Variants in KCNK9 observed in about 807,000 individuals in gnomAD.
KCNK9 encodes the protein potassium two pore domain channel subfamily K member 9, also known as potassium channel subfamily K member 9.
A neutral mutation model predicts 10.8 loss-of-function variants in KCNK9; 1 was observed. The ratio of observed to expected loss-of-function variants is 0.09; its 90% CI spans 0.03 to 0.44. The LOEUF (loss-of-function observed/expected upper bound fraction) is 0.44. KCNK9 is among the 20% of genes least tolerant of loss of function. The probability of loss-of-function intolerance (pLI) is 0.97; values close to 1 mark genes in which losing one functional copy is unlikely to be tolerated. For missense variants in KCNK9, 303 were observed against 515.0 expected (o/e 0.59, Z 3.98); for synonymous variants, 231 against 222.7 (o/e 1.04, Z -0.33).
At position 139,618,588 on chromosome 8, in the gene KCNK9, G is replaced by A. The variant is rs776896921; in HGVS notation, c.795C>T (p.Ala265=). 36 of 1,613,708 alleles carry A rather than the reference G, an allele frequency of 2.2e-5. No individual in the cohort carries two copies. The highest frequency in any genetic ancestry group is 2.2e-4 in the South Asian group (20 of 91,070). The change falls in exon 2 of 2, where the codon GCC becomes GCT. Residue 265 remains alanine, a synonymous_variant. Transcript: ENST00000520439. This position sits in a 1 kb window ranked among gnomAD's most constrained non-coding sequence, Gnocchi z 7.9. ...GAATGACCATGCTGTTGCGGTTTCC[G>A]GCGAGGGATGCCCTCTCTTCAGCAT... The part of the protein sequence containing the change: ...RRDAEERASL[A]GNRNSMVIHI...
At chr8:139,691,591 A>G (rs1816934358) in intron 1 of KCNK9, among the ~76,000 whole-genome samples, 1 of 152,206 alleles carries the variant, frequency 6.6e-6, no homozygotes, top group Admixed American at 6.5e-5. Context: ...ACAAACCATT[A>G]TCTATAGTTA....
intron 1 of KCNK9, among the ~76,000 whole-genome samples, chr8:139,656,640 C>T (rs1452863281): frequency 2.0e-5 from 3 of 152,226 alleles, no homozygotes; most frequent in Admixed American, 6.5e-5. Flanking sequence ...CTTCTTTATG[C>T]CAAATTTTGG....
At chr8:139,699,941 T>C (rs1332416754) in intron 1 of KCNK9, among the ~76,000 whole-genome samples, 1 of 152,182 alleles carries the variant, frequency 6.6e-6, no homozygotes, top group African/African-American at 2.4e-5. Context: ...CAAGGTTAGA[T>C]TAAAAATCAA....
At chr8:139,619,417 G>A (rs919985329) in intron 1 of KCNK9, among the ~76,000 whole-genome samples, 4 of 152,070 alleles carry the variant, frequency 2.6e-5, no homozygotes, top group Non-Finnish European at 5.9e-5. Context: ...GCCACTGAGA[G>A]GGGATGGAGG....
chr8:139,621,782 G>A (rs1157227415), intron 1 of KCNK9, among the ~76,000 whole-genome samples: 1 of 152,108 alleles, frequency 6.6e-6, no homozygotes, highest in African/African-American at 2.4e-5. Flanking sequence ...TGCAGGGGTG[G>A]GAATCCTACT....
chr8:139,649,072 G>A (rs1376439630), intron 1 of KCNK9, among the ~76,000 whole-genome samples: 1 of 152,154 alleles, frequency 6.6e-6, no homozygotes, highest in Admixed American at 6.5e-5. Flanking sequence ...CCTCCGAGGA[G>A]CTTTCTCCCC....
rs1419940010 is a variant in KCNK9, at chr8:139,650,988, A to C, written c.284-31889T>G. ...CTCCTATAAATGCTGAAAGCCCCAG[A>C]ATATCGAGGTGGATGCAGAAGAGTA... is the stretch of plus-strand genomic sequence containing the variant. On this transcript the variant is annotated intron_variant, in intron 1 of 1. Transcript: ENST00000520439. 2.0e-5 allele frequency among the ~76,000 whole-genome samples: 3 copies of C among 152,140 alleles called. No homozygotes were observed. In the East Asian group the frequency reaches 5.8e-4, roughly 29 times the overall value.
chr8:139,660,441 T>TA (rs796406573), intron 1 of KCNK9, among the ~76,000 whole-genome samples: 40 of 132,992 alleles, frequency 3.0e-4, no homozygotes, highest in South Asian at 7.2e-4. Context: ...CCGTCTCTGC[T>TA]AAAAAAAAAT....
At chr8:139,687,489 TACAC>T (rs1816828263) in intron 1 of KCNK9, among the ~76,000 whole-genome samples, 3 of 38,720 alleles carry the variant, frequency 7.7e-5, no homozygotes, top group Non-Finnish European at 2.0e-4. Flanking sequence ...TATACATATA[TACAC>T]ATATATACAT....
intron 1 of KCNK9, among the ~76,000 whole-genome samples, chr8:139,663,156 T>C (rs1816207179): frequency 6.6e-6 from 1 of 151,950 alleles, no homozygotes; most frequent in African/African-American, 2.4e-5. Flanking sequence ...TCTGCTGAAA[T>C]GGGCTGAAGC....
At chr8:139,687,055 T>C (rs1816804940) in intron 1 of KCNK9, among the ~76,000 whole-genome samples, 1 of 152,078 alleles carries the variant, frequency 6.6e-6, no homozygotes, top group Non-Finnish European at 1.5e-5. Flanking sequence ...TCAATAAAAT[T>C]GATAACCTCC....
intron 1 of KCNK9, among the ~76,000 whole-genome samples, chr8:139,665,535 C>T (rs1213895256): frequency 6.6e-6 from 1 of 152,238 alleles, no homozygotes; most frequent in Non-Finnish European, 1.5e-5. Context: ...GATTTGCAGA[C>T]ATCTTTGTGG....
chr8:139,675,272 A>G (rs978032074), intron 1 of KCNK9, among the ~76,000 whole-genome samples: 5 of 152,138 alleles, frequency 3.3e-5, no homozygotes, highest in Admixed American at 6.5e-5. Flanking sequence ...CTCTTTGCTC[A>G]CCCTTCCACC....
intron 1 of KCNK9, among the ~76,000 whole-genome samples, chr8:139,650,204 T>C (rs888350): frequency 0.88 from 133,958 of 152,240 alleles, 59,325 homozygotes; most frequent in African/African-American, 0.97. Flanking sequence ...CAAGGGATCA[T>C]GCTGGCTGCT....
chr8:139,686,523 G>A (rs1816792715), intron 1 of KCNK9, among the ~76,000 whole-genome samples: 1 of 152,154 alleles, frequency 6.6e-6, no homozygotes, highest in Non-Finnish European at 1.5e-5. Context: ...ATGCACATTA[G>A]CAATTTTAAA....
intron 1 of KCNK9, among the ~76,000 whole-genome samples, chr8:139,666,831 T>A (rs1200048925): frequency 1.3e-5 from 2 of 152,272 alleles, no homozygotes; most frequent in Non-Finnish European, 2.9e-5. Flanking sequence ...CATCCATTTT[T>A]TCAGCCTTAA....
chr8:139,642,776 G>T (rs1213477641), intron 1 of KCNK9, among the ~76,000 whole-genome samples: 2 of 152,218 alleles, frequency 1.3e-5, no homozygotes, highest in African/African-American at 4.8e-5. Flanking sequence ...TACTGTTTGT[G>T]TGGCTTCATC....
At chr8:139,638,297 G>A (rs894001921) in intron 1 of KCNK9, among the ~76,000 whole-genome samples, 2 of 152,252 alleles carry the variant, frequency 1.3e-5, no homozygotes, top group Non-Finnish European at 2.9e-5. Flanking sequence ...AGCTGCAGAT[G>A]ATGAGACCAC....
chr8:139,649,294 G>A (rs1815783442), intron 1 of KCNK9, among the ~76,000 whole-genome samples: 1 of 152,226 alleles, frequency 6.6e-6, no homozygotes, highest in South Asian at 2.1e-4. Flanking sequence ...TCAGAAGCGT[G>A]TATTTAATTA....
Sources: gnomAD v4.1 joint callset for allele counts (sites outside exome capture counted in the v4.1 genomes callset) on GRCh38, gnomAD v4.1.1 for gene constraint, Gnocchi (gnomAD v3.1) non-coding constraint, MANE v1.5 for transcripts, NCBI Gene and HGNC (gene_info 2026-07-23, HGNC 2026-07-21) for gene names.